The following DPYD variants were observed in gnomAD, a reference collection of about 807,000 sequenced individuals.
The protein encoded by DPYD is dihydropyrimidine dehydrogenase [NADP(+)].
DPYD carries 109 observed loss-of-function variants against 116.2 expected under a neutral mutation model. The observed-to-expected ratio is 0.94, with a 90% CI of 0.80 to 1.10. The LOEUF is 1.10. DPYD is among the 50% of genes least tolerant of loss of function. DPYD has a pLI of 0.00. For missense variants in DPYD, 1,302 were observed against 1,254.5 expected (o/e 1.04, Z -0.57); for synonymous variants, 440 against 432.0 (o/e 1.02, Z -0.23).
At chr1:97,464,666 C>A (rs1263270887) in intron 13 of DPYD, among the ~76,000 whole-genome samples, 2 of 152,146 alleles carry the variant, frequency 1.3e-5, no homozygotes, top group Admixed American at 1.3e-4. Flanking sequence ...TAATGTTGAG[C>A]CTGCAGGTGC....
At chr1:97,447,953 G>A (rs779493644) in intron 14 of DPYD, among the ~76,000 whole-genome samples, 2 of 151,930 alleles carry the variant, frequency 1.3e-5, no homozygotes, top group African/African-American at 4.8e-5. Flanking sequence ...TACTAGAACA[G>A]TGGCTTACAC....
chr1:97,501,638 G>A (rs558277314), intron 13 of DPYD, among the ~76,000 whole-genome samples: 2 of 151,520 alleles, frequency 1.3e-5, no homozygotes, highest in Non-Finnish European at 2.9e-5. Flanking sequence ...TTGAGCTCAG[G>A]AGTTCAAGGA....
intron 20 of DPYD, among the ~76,000 whole-genome samples, chr1:97,143,825 C>A (rs1247681425): frequency 2.6e-5 from 4 of 152,166 alleles, no homozygotes; most frequent in Non-Finnish European, 5.9e-5. Flanking sequence ...TATATCTCAT[C>A]TTTCAAATTT....
intron 16 of DPYD, among the ~76,000 whole-genome samples, chr1:97,340,237 T>C (rs538861822): frequency 1.3e-5 from 2 of 152,182 alleles, no homozygotes; most frequent in South Asian, 2.1e-4. Flanking sequence ...AATGGAAATA[T>C]TAATGTTAAG....
chr1:97,738,923 C>A (rs898229491), intron 4 of DPYD, among the ~76,000 whole-genome samples: 3 of 151,972 alleles, frequency 2.0e-5, no homozygotes, highest in African/African-American at 7.2e-5. Context: ...TTTTTCTATA[C>A]ATTTGTGTAG....
At chr1:97,594,616 G>A (rs1171903647) in intron 9 of DPYD, among the ~76,000 whole-genome samples, 1 of 152,026 alleles carries the variant, frequency 6.6e-6, no homozygotes, top group East Asian at 1.9e-4. Flanking sequence ...GTTCTTCTTG[G>A]GGTGTATAAA....
chr1:97,792,302 C>T (rs1039724908), intron 3 of DPYD, among the ~76,000 whole-genome samples: 10 of 151,182 alleles, frequency 6.6e-5, no homozygotes, highest in African/African-American at 2.4e-4. Flanking sequence ...GAGACAGAGT[C>T]TTGCTCTGCT....
intron 11 of DPYD, among the ~76,000 whole-genome samples, chr1:97,550,863 T>C (rs1651265833): frequency 6.6e-6 from 1 of 152,158 alleles, no homozygotes; most frequent in Non-Finnish European, 1.5e-5. Flanking sequence ...CTAAAACCAG[T>C]TTCTTCTGAG....
intron 18 of DPYD, among the ~76,000 whole-genome samples, chr1:97,258,001 A>G (rs1242525781): frequency 6.6e-6 from 1 of 152,154 alleles, no homozygotes; most frequent in Non-Finnish European, 1.5e-5. Context: ...AAGGATAACT[A>G]GCATTTTGAA....
At chr1:97,546,108 CA>C in intron 12 of DPYD, 1 of 1,430,064 alleles carries the variant, frequency 7.0e-7, no homozygotes, top group Non-Finnish European at 9.9e-7. Context: ...GTTGACAAGG[CA>C]AACAATGGCT....
chr1:97,875,847 T>G (rs1451781974), intron 2 of DPYD, among the ~76,000 whole-genome samples: 1 of 152,040 alleles, frequency 6.6e-6, no homozygotes, highest in Non-Finnish European at 1.5e-5. Context: ...AAAATATACT[T>G]ACTTCAAAGT....
chr1:97,195,997 T>A (rs74104308), intron 19 of DPYD, among the ~76,000 whole-genome samples: 4,803 of 151,828 alleles, frequency 0.032, 245 homozygotes, highest in African/African-American at 0.11. Context: ...GGATGAGGGA[T>A]GATGAACTAA....
At chr1:97,912,202 A>T (rs1477977431) in intron 1 of DPYD, among the ~76,000 whole-genome samples, 1 of 152,090 alleles carries the variant, frequency 6.6e-6, no homozygotes. Flanking sequence ...TGCAAACGAG[A>T]ACGGCAGAAC....
At chr1:97,582,467 C>T (rs889692966) in intron 10 of DPYD, among the ~76,000 whole-genome samples, 6 of 152,196 alleles carry the variant, frequency 3.9e-5, no homozygotes, top group Non-Finnish European at 7.3e-5. Flanking sequence ...GCATCAAACT[C>T]GGCCCATTCA....
At chr1:97,560,901 G>T (rs1325074184) in intron 11 of DPYD, among the ~76,000 whole-genome samples, 1 of 152,112 alleles carries the variant, frequency 6.6e-6, no homozygotes, top group African/African-American at 2.4e-5. Context: ...TGACTTAGAG[G>T]CAGATTATTC....
chr1:97,675,181 G>A (rs1170354897), intron 8 of DPYD, among the ~76,000 whole-genome samples: 1 of 152,126 alleles, frequency 6.6e-6, no homozygotes, highest in Non-Finnish European at 1.5e-5. Context: ...AACAATGGTT[G>A]TAACCTATTA....
At chr1:97,234,076 G>A (rs1337331092) in intron 19 of DPYD, among the ~76,000 whole-genome samples, 1 of 152,080 alleles carries the variant, frequency 6.6e-6, no homozygotes, top group African/African-American at 2.4e-5. Flanking sequence ...GCTAAGTAGT[G>A]AGAAGTCATT....
intron 1 of DPYD, among the ~76,000 whole-genome samples, chr1:97,913,279 A>T (rs1452327439): frequency 6.6e-6 from 1 of 152,228 alleles, no homozygotes; most frequent in African/African-American, 2.4e-5. Flanking sequence ...CAGCTGGTAT[A>T]AATAGTACAC....
intron 3 of DPYD, among the ~76,000 whole-genome samples, chr1:97,750,127 G>C (rs936883495): frequency 4.6e-5 from 7 of 151,916 alleles, no homozygotes; most frequent in African/African-American, 1.7e-4. Flanking sequence ...ATTTTTCATA[G>C]ATGCCCTAGA....
Sources: allele counts gnomAD v4.1 joint callset (sites outside exome capture counted in the v4.1 genomes callset), GRCh38; gene constraint gnomAD v4.1.1; transcripts MANE v1.5; gene names NCBI Gene and HGNC (gene_info 2026-07-23, HGNC 2026-07-21).